The following EPHA10 variants were observed in gnomAD, a reference collection of about 807,000 sequenced individuals.
EPHA10 encodes EPH receptor A10, also known as ephrin type-A receptor 10.
EPHA10 carries 120 observed loss-of-function variants against 109.7 expected under a neutral mutation model. The ratio of observed to expected loss-of-function variants is 1.09; its 90% CI spans 0.94 to 1.27. The LOEUF (loss-of-function observed/expected upper bound fraction) is 1.27, where lower values mean the gene tolerates loss of function less well. Among genes scored for constraint, EPHA10 ranks in the 50% most tolerant of loss-of-function variants. The pLI, the probability that EPHA10 is intolerant of heterozygous loss-of-function variation, is 0.00. For missense variants in EPHA10, 1,396 were observed against 1,411.1 expected (o/e 0.99, Z 0.17); for synonymous variants, 640 against 618.9 (o/e 1.03, Z -0.51).
In EPHA10 at chr1:37,761,686, AG is replaced by A; in HGVS notation, c.568del (p.Leu190TrpfsTer159). The A allele has an allele frequency of 6.2e-7, 1 of 1,612,036 alleles. No homozygotes were observed. Among genetic ancestry groups the A allele is most frequent in the South Asian group, 1.1e-5 (1 of 91,074 alleles). On this transcript the variant is annotated frameshift_variant, in exon 3 of 17. Coordinates refer to ENST00000373048, the MANE Select transcript of EPHA10 (RefSeq NM_001099439.2). LOFTEE classifies it high-confidence loss of function. ...IGPLSRRGFH[L>X]AFQDVGACVA... The stretch of plus-strand genomic sequence containing the variant: ...GCATGCGCCCACGTCCTGAAAGGCC[AG>A]GTGGAAACCCCGCCGGCTGAGCGGT...
chr1:37,716,246 G>C lies in EPHA10; in HGVS notation c.*2126C>G. Reference sequence around the variant, plus strand: ...CTGGGACCTCACTCCTCAGTGGAGGGGAGATCTACCCTGGACACCGAAGTC... The same window carrying C: ...CTGGGACCTCACTCCTCAGTGGAGGCGAGATCTACCCTGGACACCGAAGTC... On this transcript the variant is annotated 3_prime_UTR_variant, in exon 17 of 17. Coordinates refer to ENST00000373048, the MANE Select transcript of EPHA10 (RefSeq NM_001099439.2). 7.2e-6 allele frequency: 2 copies of C among 277,732 alleles called. No homozygotes were observed. The highest frequency in any genetic ancestry group is 6.4e-5 in the South Asian group (1 of 15,568). The allele number at this position is 277,732 out of a possible 1,614,324, so 17.2% of individuals were successfully genotyped here.
At chr1:37,714,040 C>T (rs991671228), downstream of EPHA10, 4 of 152,174 alleles carry the variant, frequency 2.6e-5, no homozygotes, top group African/African-American at 9.7e-5. Flanking sequence ...TTCAAAGAAA[C>T]TTGGTAAGCA....
Position 37,765,096 on chromosome 1 carries a change from G to A in EPHA10, c.-30C>T, listed in dbSNP as rs765051603. 1 of 1,557,966 alleles carries A rather than the reference G, an allele frequency of 6.4e-7. No homozygotes were observed. The stretch of plus-strand genomic sequence containing the variant: ...CGCAGACCGAGCTGTCAGTCCGGCG[G>A]CGGCTCAAGCCGCGCCAGCCTAGCA... On this transcript the variant is annotated 5_prime_UTR_variant, in exon 1 of 17. Coordinates refer to ENST00000373048, the MANE Select transcript of EPHA10 (RefSeq NM_001099439.2).
chr1:37,731,430 T>C lies in EPHA10; in HGVS notation c.1644A>G (p.Glu548=), dbSNP rs370521292. ...WEAQSFNPSI[E]VQTLGEAASG... ...ACTTACCCTCCCCCAGGGTCTGTAC[T>C]TCAATGCTGGGGTTAAAACTCTGGG... The change falls in exon 7 of 17, where the codon GAA becomes GAG. Residue 548 remains glutamate, a synonymous_variant. Coordinates refer to ENST00000373048, the MANE Select transcript of EPHA10 (RefSeq NM_001099439.2). 2.5e-6 allele frequency: 4 copies of C among 1,611,530 alleles called. No individual in the cohort carries two copies. Among genetic ancestry groups the C allele is most frequent in the Non-Finnish European group, 3.4e-6 (4 of 1,178,594 alleles).
rs368668102 is a variant in EPHA10 at position 37,755,359 on chromosome 1, CCAT to C, written c.851-992_851-990del. 9.0e-3 allele frequency among the ~76,000 whole-genome samples: 1,329 copies of C among 147,544 alleles called. 16 individuals are homozygous for C. The highest frequency in any genetic ancestry group is 0.031 in the African/African-American group (1,240 of 40,200). ...ACACACACACACCCTCCCACCACCA[CCAT>C]CATGTGAGTGAGTGTGTCATAAATT... is the stretch of plus-strand genomic sequence containing the variant. On this transcript the variant is annotated intron_variant, in intron 3 of 16. Coordinates refer to ENST00000373048, the MANE Select transcript of EPHA10 (RefSeq NM_001099439.2).
chr1:37,722,320 G>A, intron 10 of EPHA10: 1 of 233,778 alleles, frequency 4.3e-6, no homozygotes, highest in Non-Finnish European at 8.8e-6. Flanking sequence ...CAGGGCATAT[G>A]CCAGCACGCC....
At chr1:37,763,669 A>G (rs1011240610) in intron 1 of EPHA10, among the ~76,000 whole-genome samples, 6 of 151,966 alleles carry the variant, frequency 3.9e-5, no homozygotes, top group African/African-American at 1.5e-4. Flanking sequence ...AATTAGAGAG[A>G]GAGAGAGAGA....
intron 5 of EPHA10, among the ~76,000 whole-genome samples, chr1:37,752,659 G>C (rs1382287620): frequency 1.3e-5 from 2 of 152,052 alleles, no homozygotes; most frequent in African/African-American, 4.8e-5. Flanking sequence ...GGGGACGCCT[G>C]CATCCTCAGT....
rs1286309547 is a variant in EPHA10 at position 37,718,380 on chromosome 1, G to C, written c.3019C>G (p.Gln1007Glu). ...GGAAGAATGGGGTCCACTCACACCT[G>C]CACCCCCTGGCCCTGCAGCTGGAGC... ...RVLQLQGQGV[Q>E]V The change falls in exon 17 of 17, where the codon CAG becomes GAG. Residue 1007 changes from glutamine (Q) to glutamate (E), a missense_variant. Coordinates refer to ENST00000373048, the MANE Select transcript of EPHA10 (RefSeq NM_001099439.2). The C allele has an allele frequency of 6.2e-7, 1 of 1,608,342 alleles. No individual in the cohort carries two copies. The highest frequency in any genetic ancestry group is 1.3e-5 in the African/African-American group (1 of 74,878).
intron 5 of EPHA10, among the ~76,000 whole-genome samples, chr1:37,747,883 A>T (rs950580604): frequency 1.3e-5 from 2 of 152,204 alleles, no homozygotes; most frequent in Admixed American, 6.5e-5. Flanking sequence ...TCTGGCAAGG[A>T]TAATTAAGAA....
At chr1:37,723,509 G>C in intron 8 of EPHA10, 137 bp from the exon 9 acceptor site, 1 of 987,868 alleles carries the variant, frequency 1.0e-6, no homozygotes, top group Non-Finnish European at 1.5e-6. Flanking sequence ...TTGTCCAGCT[G>C]GTTTAAAAGC....
Position 37,735,257 on chromosome 1 carries a change from C to T in EPHA10, c.1491G>A (p.Lys497=), listed in dbSNP as rs1208600076. 6.4e-7 allele frequency: 1 copy of T among 1,567,206 alleles called. No homozygotes were observed. Among genetic ancestry groups the T allele is most frequent in the Non-Finnish European group, 8.7e-7 (1 of 1,155,996 alleles). The part of the protein sequence containing the change: ...DTEYEIRYYE[K]GQSEQTYSMV... ...AGGTCCCTCCCAGACACGCACTCAC[C>T]TTCTCGTAGTATCGGATCTCGTACT... The change falls in exon 6 of 17, where the codon AAG becomes AAA. Residue 497 remains lysine, a splice_region_variant and synonymous_variant. Transcript: ENST00000373048.
At chr1:37,757,182 A>T (rs1646397655) in intron 3 of EPHA10, among the ~76,000 whole-genome samples, 1 of 151,992 alleles carries the variant, frequency 6.6e-6, no homozygotes, top group African/African-American at 2.4e-5. Context: ...CCCAAAGGAA[A>T]CCCCAGCTCT....
At position 37,754,291 on chromosome 1, in the gene EPHA10, T is replaced by A. The variant is rs1646374167; in HGVS notation, c.930A>T (p.Glu310Asp). ...GGCACACGCAGAAGGTGGAGGCGTT[T>A]TCCAGGGCCCGGCTGTGCTCTGGGC... is the stretch of plus-strand genomic sequence containing the variant. Reference protein sequence around the residue: ...SPCPEHSRALENASTFCVCQD... With the variant: ...SPCPEHSRALDNASTFCVCQD... Residue 310 changes from glutamate (E) to aspartate (D), a missense_variant, in exon 4 of 17, where the codon GAA becomes GAT. Transcript: ENST00000373048. This position sits in a 1 kb window ranked among gnomAD's most constrained non-coding sequence, Gnocchi z 4.5. The A allele has an allele frequency of 1.5e-6, 2 of 1,317,514 alleles. No individual in the cohort carries two copies. The highest frequency in any genetic ancestry group is 1.9e-6 in the Non-Finnish European group (2 of 1,027,402). The allele number at this position is 1,317,514 out of a possible 1,614,324, so 81.6% of individuals were successfully genotyped here. A position where few individuals can be genotyped will look rare whatever the true frequency, so the allele number is the denominator to read the frequency against.
Position 37,761,609 on chromosome 1 carries a change from GCAC to G in EPHA10, c.643_645del (p.Val215del), listed in dbSNP as rs761111367. On this transcript the variant is annotated inframe_deletion, in exon 3 of 17. Transcript: ENST00000373048. The stretch of plus-strand genomic sequence containing the variant: ...GTGGCTGGGAACGTGGCCAGGCCCC[GCAC>G]GGTGGCGCGGCACTGCTTGTAGTAG... The G allele has an allele frequency of 2.5e-6, 4 of 1,602,530 alleles. No individual in the cohort carries two copies.
intron 5 of EPHA10, among the ~76,000 whole-genome samples, chr1:37,744,464 G>C (rs1367796682): frequency 6.6e-6 from 1 of 151,722 alleles, no homozygotes; most frequent in Non-Finnish European, 1.5e-5. Flanking sequence ...AGGTTGCAGT[G>C]AGCAGAGATC....
intron 5 of EPHA10, among the ~76,000 whole-genome samples, chr1:37,751,765 C>A (rs939465857): frequency 1.1e-4 from 16 of 151,292 alleles, no homozygotes; most frequent in African/African-American, 3.9e-4. Context: ...CCCAGCTACT[C>A]GGGAGGCTAA....
At chr1:37,745,831 C>T (rs1272419012) in intron 5 of EPHA10, among the ~76,000 whole-genome samples, 1 of 152,152 alleles carries the variant, frequency 6.6e-6, no homozygotes, top group African/African-American at 2.4e-5. Context: ...GCCTGGGTGA[C>T]AGAGGAAGAC....
At chr1:37,752,095 G>A (rs1284981421) in intron 5 of EPHA10, among the ~76,000 whole-genome samples, 1 of 152,134 alleles carries the variant, frequency 6.6e-6, no homozygotes, top group Non-Finnish European at 1.5e-5. Context: ...CGATTAGGAA[G>A]GGAGTCAGAA....
Sources: allele counts gnomAD v4.1 joint callset (sites outside exome capture counted in the v4.1 genomes callset), GRCh38; gene constraint gnomAD v4.1.1; non-coding constraint Gnocchi (gnomAD v3.1); transcripts MANE v1.5; gene names NCBI Gene and HGNC (gene_info 2026-07-23, HGNC 2026-07-21).